PCSK5: variants seen among roughly 807,000 people sequenced by gnomAD.
The protein encoded by PCSK5 is prohormone convertase 5.
PCSK5 carries 129 observed loss-of-function variants against 233.2 expected under a neutral mutation model. That is an observed-to-expected ratio of 0.55 (90% CI 0.48 to 0.64). The LOEUF is 0.64. Ranked by LOEUF, PCSK5 falls within the 30% of genes least tolerant of loss-of-function variation. The probability of loss-of-function intolerance (pLI) is 0.00; values close to 1 mark genes in which losing one functional copy is unlikely to be tolerated. For synonymous variants in PCSK5, 825 were observed against 879.2 expected (o/e 0.94, Z 1.09); for missense variants, 2,076 against 2,430.1 (o/e 0.85, Z 3.06).
rs553614892 is a variant in PCSK5, at chr9:75,922,069, T to G, written c.193-10310T>G. 5.3e-5 allele frequency among the ~76,000 whole-genome samples: 8 copies of G among 152,338 alleles called. No individual in the cohort carries two copies. The South Asian group carries it at 1.7e-3, about 32-fold the overall frequency. On this transcript the variant is annotated intron_variant, in intron 1 of 37. Coordinates refer to ENST00000674117, the MANE Select transcript of PCSK5 (RefSeq NM_001372043.1). ...CAGGGACTGTGTTTTGTTCACTCTGTCTGCAGTGTCTTTGGATCATTGCTC... is the reference window on the plus strand; with the variant it reads ...CAGGGACTGTGTTTTGTTCACTCTGGCTGCAGTGTCTTTGGATCATTGCTC...
intron 13 of PCSK5, among the ~76,000 whole-genome samples, chr9:76,173,534 C>CTTTTTTTTTTTTTTTTTTTTTTTTTT (rs1587716257): frequency 2.0e-3 from 95 of 46,604 alleles, no homozygotes; most frequent in Non-Finnish European, 3.1e-3. Flanking sequence ...TTTTTTTTTA[C>CTTTTTTTTTTTTTTTTTTTTTTTTTT]TTTTTGCATT....
At position 76,233,567 on chromosome 9, in the gene PCSK5, G is replaced by T; in HGVS notation, c.2837G>T (p.Gly946Val). The T allele has an allele frequency of 6.2e-7, 1 of 1,611,484 alleles. No homozygotes were observed. ...HHTCQRCQGSGPTHCTSCGAD... is the reference protein window; with the variant it reads ...HHTCQRCQGSVPTHCTSCGAD... ...ACCTGCCAGAGATGCCAAGGAAGTG[G>T]CCCTACCCACTGCACCTCCTGTGGA... Residue 946 changes from glycine (G) to valine (V), a missense_variant, in exon 22 of 38, where the codon GGC becomes GTC. Transcript: ENST00000674117.
At chr9:76,270,322 T>C (rs1330131515) in intron 24 of PCSK5, among the ~76,000 whole-genome samples, 1 of 152,244 alleles carries the variant, frequency 6.6e-6, no homozygotes, top group African/African-American at 2.4e-5. Flanking sequence ...GAATGTGAAA[T>C]GTACCTAAGC....
At chr9:75,980,712 T>A (rs938037005) in intron 2 of PCSK5, among the ~76,000 whole-genome samples, 1 of 151,962 alleles carries the variant, frequency 6.6e-6, no homozygotes, top group African/African-American at 2.4e-5. Flanking sequence ...GTATGGAAAA[T>A]CCTTGTCTAA....
chr9:76,340,455 G>A (rs561850098), intron 35 of PCSK5, among the ~76,000 whole-genome samples: 4 of 151,962 alleles, frequency 2.6e-5, no homozygotes, highest in African/African-American at 9.7e-5. Context: ...AGACCAGCCT[G>A]ACCAACATGG....
At chr9:76,151,146 G>A (rs143979996) in intron 10 of PCSK5, among the ~76,000 whole-genome samples, 33 of 152,248 alleles carry the variant, frequency 2.2e-4, no homozygotes, top group Non-Finnish European at 3.8e-4. Context: ...TAGTAGGTGA[G>A]GGAGGCACAG....
intron 24 of PCSK5, among the ~76,000 whole-genome samples, chr9:76,247,372 C>T (rs892197204): frequency 2.0e-5 from 3 of 152,150 alleles, no homozygotes; most frequent in Non-Finnish European, 2.9e-5. Context: ...AGAGTGTAGC[C>T]GTTGCTGGCT....
chr9:76,284,678 A>G (rs1404728043), intron 24 of PCSK5, among the ~76,000 whole-genome samples: 2 of 151,652 alleles, frequency 1.3e-5, no homozygotes, highest in Non-Finnish European at 2.9e-5. Flanking sequence ...GATTACAGAC[A>G]TGTGCCAGCA....
chr9:76,270,224 T>C (rs1465850314), intron 24 of PCSK5, among the ~76,000 whole-genome samples: 1 of 152,206 alleles, frequency 6.6e-6, no homozygotes, highest in Non-Finnish European at 1.5e-5. Flanking sequence ...TTGTTTCTGT[T>C]TGAGCAGCAA....
intron 27 of PCSK5, among the ~76,000 whole-genome samples, chr9:76,298,501 C>T (rs1828510271): frequency 6.6e-6 from 1 of 152,126 alleles, no homozygotes; most frequent in African/African-American, 2.4e-5. Context: ...GAGAAATAGC[C>T]ATTTATTCAC....
chr9:75,972,282 C>T (rs1825842902), intron 2 of PCSK5, among the ~76,000 whole-genome samples: 1 of 152,128 alleles, frequency 6.6e-6, no homozygotes, highest in Non-Finnish European at 1.5e-5. Context: ...GTTACTGTAG[C>T]CTTGTAGTAT....
chr9:75,923,351 C>T (rs1270111841), intron 1 of PCSK5, among the ~76,000 whole-genome samples: 2 of 151,912 alleles, frequency 1.3e-5, no homozygotes, highest in East Asian at 1.9e-4. Flanking sequence ...ATGTCAATTA[C>T]ACAGTGGCTT....
intron 27 of PCSK5, among the ~76,000 whole-genome samples, chr9:76,300,710 A>G (rs559685751): frequency 6.6e-6 from 1 of 152,330 alleles, no homozygotes; most frequent in Middle Eastern, 3.4e-3. Flanking sequence ...ACATGAATTC[A>G]AATCCCAGCT....
chr9:76,038,052 G>GTGACA, intron 5 of PCSK5, among the ~76,000 whole-genome samples: 1 of 152,260 alleles, frequency 6.6e-6, no homozygotes, highest in Non-Finnish European at 1.5e-5. Context: ...ATCCCTTGTG[G>GTGACA]TGACATCCTG....
chr9:76,212,568 C>T (rs767894068), intron 20 of PCSK5, among the ~76,000 whole-genome samples: 15 of 152,324 alleles, frequency 9.8e-5, no homozygotes, highest in Non-Finnish European at 1.5e-4. Context: ...TAGATCATTC[C>T]AACCAGCTTT....
intron 17 of PCSK5, 58 bp downstream of exon 17, chr9:76,184,815 T>A: frequency 7.7e-6 from 8 of 1,039,118 alleles, no homozygotes; most frequent in Admixed American, 6.7e-5. Context: ...TCAATGTAAA[T>A]AAAATGAAAA....
chr9:76,192,218 T>A (rs1230245366), intron 20 of PCSK5, among the ~76,000 whole-genome samples: 1 of 152,116 alleles, frequency 6.6e-6, no homozygotes, highest in Non-Finnish European at 1.5e-5. Context: ...ACTGGATAAG[T>A]TATGTCAAAT....
chr9:75,985,406 G>C (rs1826465615), intron 2 of PCSK5, among the ~76,000 whole-genome samples: 1 of 152,090 alleles, frequency 6.6e-6, no homozygotes. Flanking sequence ...AGGAAATTGA[G>C]TGGCTTCTCC....
At chr9:76,136,930 C>A (rs2131754413) in intron 10 of PCSK5, among the ~76,000 whole-genome samples, 1 of 152,146 alleles carries the variant, frequency 6.6e-6, no homozygotes, top group Admixed American at 6.6e-5. Context: ...GTAAAGCCAA[C>A]ACCCCAATGA....
Sources: gnomAD v4.1 joint callset for allele counts (sites outside exome capture counted in the v4.1 genomes callset) on GRCh38, gnomAD v4.1.1 for gene constraint, MANE v1.5 for transcripts, NCBI Gene and HGNC (gene_info 2026-07-23, HGNC 2026-07-21) for gene names.